Variants in ZNF654 observed in about 807,000 individuals in gnomAD.
ZNF654 encodes the protein melanoma-associated antigen.
ZNF654 carries 19 observed loss-of-function variants against 95.3 expected under a neutral mutation model. That is an observed-to-expected ratio of 0.20 (90% CI 0.14 to 0.29). The LOEUF (loss-of-function observed/expected upper bound fraction) is 0.29. Ranked by LOEUF, ZNF654 falls within the 10% of genes least tolerant of loss-of-function variation. ZNF654 has a pLI of 1.00. For missense variants in ZNF654, 1,046 were observed against 1,341.0 expected (o/e 0.78, Z 3.44); for synonymous variants, 413 against 457.9 (o/e 0.90, Z 1.25).
intron 1 of ZNF654, among the ~76,000 whole-genome samples, chr3:88,063,990 C>T (rs1015604165): frequency 2.0e-5 from 3 of 152,154 alleles, no homozygotes; most frequent in African/African-American, 7.2e-5. Context: ...GAGTTATCCC[C>T]ATCTGAAAAG....
In ZNF654 at chr3:88,099,389, C is replaced by T. The variant is rs1225944655; in HGVS notation, c.332+12987C>T. On this transcript the variant is annotated intron_variant, in intron 2 of 8. Transcript: ENST00000636215. ...ATAGGAAGAATCAATATTGTGAAAA[C>T]GGCCATACTGCCCAAGGTAATTTAT... 9.2e-5 allele frequency among the ~76,000 whole-genome samples: 14 copies of T among 152,182 alleles called. 1 individual carries two copies. The South Asian group carries it at 1.2e-3, about 14-fold the overall frequency.
At chr3:88,076,922 C>G (rs9310068) in intron 1 of ZNF654, among the ~76,000 whole-genome samples, 1 of 151,970 alleles carries the variant, frequency 6.6e-6, no homozygotes, top group Non-Finnish European at 1.5e-5. Context: ...GTGCAAGTAG[C>G]TAACTCAAGA....
At chr3:88,122,769 G>A (rs1705846875) in intron 3 of ZNF654, among the ~76,000 whole-genome samples, 1 of 152,040 alleles carries the variant, frequency 6.6e-6, no homozygotes, top group Non-Finnish European at 1.5e-5. Flanking sequence ...CAGCACTTTG[G>A]GAAACCGAGG....
Position 88,143,226 on chromosome 3 carries a change from T to G in ZNF654, c.*1574T>G, listed in dbSNP as rs1271331528. Reference sequence around the variant, plus strand: ...TTCCAGATCATGATAGATCAGATGATTTTTTTTTAATTTCCCGGTTTTATT... The same window carrying G: ...TTCCAGATCATGATAGATCAGATGAGTTTTTTTTAATTTCCCGGTTTTATT... On this transcript the variant is annotated 3_prime_UTR_variant, in exon 9 of 9. Coordinates refer to ENST00000636215, the MANE Select transcript of ZNF654 (RefSeq NM_001350134.2). The G allele has an allele frequency of 6.6e-6, 1 of 150,568 alleles. No homozygotes were observed. The highest frequency in any genetic ancestry group is 2.1e-4 in the South Asian group (1 of 4,746). The allele number at this position is 150,568 out of a possible 1,614,324, so 9.3% of individuals were successfully genotyped here.
At chr3:88,123,156 C>T (rs1468970328) in intron 3 of ZNF654, among the ~76,000 whole-genome samples, 1 of 151,946 alleles carries the variant, frequency 6.6e-6, no homozygotes, top group Non-Finnish European at 1.5e-5. Context: ...CCAAAAAAGC[C>T]ACTATTCTAT....
chr3:88,118,364 A>G (rs1296452255), intron 3 of ZNF654, among the ~76,000 whole-genome samples: 2 of 152,106 alleles, frequency 1.3e-5, no homozygotes, highest in East Asian at 3.9e-4. Flanking sequence ...GTAATATACC[A>G]TAGGAGAAGT....
chr3:88,060,724 A>G (rs889418089), intron 1 of ZNF654, among the ~76,000 whole-genome samples: 3 of 152,200 alleles, frequency 2.0e-5, no homozygotes, highest in Non-Finnish European at 4.4e-5. Flanking sequence ...AAAGTTAATG[A>G]GAAATGGACA....
chr3:88,136,830 G>A (rs1050270364), intron 7 of ZNF654, among the ~76,000 whole-genome samples: 8 of 152,150 alleles, frequency 5.3e-5, no homozygotes, highest in African/African-American at 1.7e-4. Flanking sequence ...GAAGCAGCCT[G>A]TTCTCTTTTT....
intron 2 of ZNF654, among the ~76,000 whole-genome samples, chr3:88,090,152 A>T (rs1708557373): frequency 6.6e-6 from 1 of 152,298 alleles, no homozygotes; most frequent in East Asian, 1.9e-4. Context: ...TCTTCTACCT[A>T]TTAAAAAAAG....
intron 1 of ZNF654, among the ~76,000 whole-genome samples, chr3:88,073,057 A>G (rs549235354): frequency 1.3e-5 from 2 of 152,350 alleles, no homozygotes; most frequent in East Asian, 3.9e-4. Flanking sequence ...TTGTGAAAAG[A>G]TGGATGGCAT....
intron 6 of ZNF654, among the ~76,000 whole-genome samples, chr3:88,133,855 C>T (rs1706608709): frequency 6.6e-6 from 1 of 152,030 alleles, no homozygotes; most frequent in South Asian, 2.1e-4. Flanking sequence ...CAAAAGTATA[C>T]TTGAAATGTA....
Position 88,141,674 on chromosome 3 carries a change from T to A in ZNF654, c.*22T>A. ...CTGATGAAAACGGTTCAGAAAGATC[T>A]GTCAATCAAGCAGTAGTGTGAAAAA... On this transcript the variant is annotated 3_prime_UTR_variant, in exon 9 of 9. Coordinates refer to ENST00000636215, the MANE Select transcript of ZNF654 (RefSeq NM_001350134.2). 1 of 1,500,442 alleles carries A rather than the reference T, an allele frequency of 6.7e-7. No homozygotes were observed. The highest frequency in any genetic ancestry group is 9.0e-7 in the Non-Finnish European group (1 of 1,109,416). 92.9% of individuals were successfully genotyped at this position (1,500,442 alleles called of 1,614,324 possible). A position where few individuals can be genotyped will look rare whatever the true frequency, so the allele number is the denominator to read the frequency against.
At chr3:88,088,461 T>C (rs1041437288) in intron 2 of ZNF654, among the ~76,000 whole-genome samples, 2 of 152,190 alleles carry the variant, frequency 1.3e-5, no homozygotes, top group African/African-American at 2.4e-5. Context: ...AAAACATCAG[T>C]ATCACGCTGT....
chr3:88,082,457 C>T (rs1428314215), intron 1 of ZNF654, among the ~76,000 whole-genome samples: 1 of 152,162 alleles, frequency 6.6e-6, no homozygotes, highest in Non-Finnish European at 1.5e-5. Flanking sequence ...GCTGGATTCG[C>T]TGTAAACAAA....
At chr3:88,093,960 C>T (rs372595432) in intron 2 of ZNF654, among the ~76,000 whole-genome samples, 29 of 152,212 alleles carry the variant, frequency 1.9e-4, no homozygotes, top group African/African-American at 5.5e-4. Flanking sequence ...TTTATATTGA[C>T]GAACAATTAT....
intron 1 of ZNF654, among the ~76,000 whole-genome samples, chr3:88,081,696 T>G (rs1708084990): frequency 1.3e-5 from 2 of 152,220 alleles, no homozygotes. Context: ...TCCTGTTGTT[T>G]TTCACAGCAT....
At chr3:88,138,210 A>C (rs1706915617) in intron 7 of ZNF654, among the ~76,000 whole-genome samples, 1 of 152,196 alleles carries the variant, frequency 6.6e-6, no homozygotes, top group Admixed American at 6.5e-5. Flanking sequence ...TTACTTAATA[A>C]GCAAAATAAG....
At chr3:88,077,356 C>T (rs1443769505) in intron 1 of ZNF654, among the ~76,000 whole-genome samples, 13 of 139,572 alleles carry the variant, frequency 9.3e-5, no homozygotes, top group Admixed American at 3.0e-4. Flanking sequence ...TTTTTTGAGA[C>T]GGAGTCTCGC....
intron 3 of ZNF654, among the ~76,000 whole-genome samples, chr3:88,117,956 AACAAC>A (rs1192430124): frequency 1.3e-5 from 2 of 151,996 alleles, no homozygotes; most frequent in Non-Finnish European, 2.9e-5. Context: ...AAAAAAAAAA[AACAAC>A]CAAGAACATT....
Sources: gnomAD v4.1 joint callset for allele counts (sites outside exome capture counted in the v4.1 genomes callset) on GRCh38, gnomAD v4.1.1 for gene constraint, MANE v1.5 for transcripts, NCBI Gene and HGNC (gene_info 2026-07-23, HGNC 2026-07-21) for gene names.